SPATA31G1: variants seen among roughly 807,000 people sequenced by gnomAD.
The protein encoded by SPATA31G1 is SPATA31 subfamily G member 1.
chr9:35,043,298 T>C, the SPATA31G1 span: 2 of 1,614,222 alleles, frequency 1.2e-6, no homozygotes, highest in African/African-American at 1.3e-5. Flanking sequence ...TGAAGTGGTC[T>C]GTTTGTTCTT....
the SPATA31G1 span, chr9:35,045,150 C>G: frequency 4.3e-5 from 70 of 1,614,044 alleles, no homozygotes; most frequent in East Asian, 1.3e-4. Flanking sequence ...TCCATGCCCC[C>G]ACTCTTCAAG....
At chr9:35,042,879 C>T in the SPATA31G1 span, 356 of 1,614,002 alleles carry the variant, frequency 2.2e-4, 2 homozygotes, top group Middle Eastern at 1.7e-4. Flanking sequence ...ACTTCTGCAC[C>T]GTGTGGCCTT....
the SPATA31G1 span, chr9:35,041,357 A>AT: frequency 4.5e-6 from 1 of 220,916 alleles, no homozygotes; most frequent in South Asian, 4.9e-5. Context: ...AGATGTTACT[A>AT]TTTATTCCTA....
chr9:35,043,773 G>A, the SPATA31G1 span: 38 of 1,614,044 alleles, frequency 2.4e-5, no homozygotes, highest in African/African-American at 5.1e-4. Flanking sequence ...TCAGGCCTCT[G>A]AGTCTTCAAT....
chr9:35,045,510 G>A, the SPATA31G1 span: 7 of 1,614,132 alleles, frequency 4.3e-6, no homozygotes, highest in Non-Finnish European at 5.1e-6. Context: ...AAGAGGGACT[G>A]CAAGGTTGGG....
At chr9:35,043,941 T>G in the SPATA31G1 span, 1 of 1,613,768 alleles carries the variant, frequency 6.2e-7, no homozygotes, top group Non-Finnish European at 8.5e-7. Context: ...CCCAGAGCTC[T>G]CTGGAACCAG....
At chr9:35,044,229 G>C in the SPATA31G1 span, 2 of 1,614,176 alleles carry the variant, frequency 1.2e-6, no homozygotes, top group Non-Finnish European at 1.7e-6. Context: ...CAATCCTGGG[G>C]AATGCCTCGC....
the SPATA31G1 span, chr9:35,042,000 A>G: frequency 6.6e-6 from 3 of 454,290 alleles, no homozygotes; most frequent in Non-Finnish European, 7.7e-6. Flanking sequence ...CAGAGCTATG[A>G]TTTGAATAAG....
At chr9:35,045,615 G>A in the SPATA31G1 span, 2 of 1,614,164 alleles carry the variant, frequency 1.2e-6, no homozygotes, top group South Asian at 1.1e-5. Context: ...TCAACACAGG[G>A]GCCAGAGCTC....
At chr9:35,044,257 G>A in the SPATA31G1 span, 1 of 1,614,164 alleles carries the variant, frequency 6.2e-7, no homozygotes, top group Non-Finnish European at 8.5e-7. Context: ...GAAGCTACAT[G>A]GAAGGATACT....
the SPATA31G1 span, chr9:35,045,708 GA>G: frequency 6.2e-7 from 1 of 1,614,218 alleles, no homozygotes; most frequent in Non-Finnish European, 8.5e-7. Context: ...AAGAGCAAGT[GA>G]CATCCTGACC....
the SPATA31G1 span, chr9:35,043,479 C>T: frequency 1.2e-6 from 2 of 1,614,190 alleles, no homozygotes; most frequent in Non-Finnish European, 1.7e-6. Flanking sequence ...TGTCTCATCA[C>T]TACTCCTCCA....
At chr9:35,043,832 G>T in the SPATA31G1 span, 9 of 1,614,066 alleles carry the variant, frequency 5.6e-6, no homozygotes, top group African/African-American at 5.3e-5. Flanking sequence ...TCCAGAGAGA[G>T]AGTTCCCTGG....
chr9:35,043,908 G>T, the SPATA31G1 span: 1 of 1,614,026 alleles, frequency 6.2e-7, no homozygotes, highest in Non-Finnish European at 8.5e-7. Context: ...CTGGGCTTTT[G>T]AGTCTCCAGT....
chr9:35,043,189 G>T, the SPATA31G1 span: 1 of 1,614,170 alleles, frequency 6.2e-7, no homozygotes, highest in Non-Finnish European at 8.5e-7. Flanking sequence ...TCAGGGAACC[G>T]CCAGCAGCAG....
At chr9:35,044,776 A>C in the SPATA31G1 span, 3 of 1,614,044 alleles carry the variant, frequency 1.9e-6, no homozygotes, top group Non-Finnish European at 2.5e-6. Context: ...GAAGTTCCCC[A>C]AGGCCCCAGC....
the SPATA31G1 span, chr9:35,044,124 G>C: frequency 6.2e-7 from 1 of 1,614,148 alleles, no homozygotes; most frequent in Non-Finnish European, 8.5e-7. Context: ...AGCTTTGTGG[G>C]AGACCATGGG....
the SPATA31G1 span, chr9:35,042,581 C>A: frequency 1.3e-6 from 2 of 1,566,190 alleles, no homozygotes; most frequent in Admixed American, 3.6e-5. Context: ...TGACTATAAG[C>A]CCTAGATGTG....
chr9:35,043,975 C>T, the SPATA31G1 span: 1 of 1,613,246 alleles, frequency 6.2e-7, no homozygotes. Context: ...CCACCAGCAT[C>T]TGAGACACCA....
Sources: gnomAD v4.1 joint callset for allele counts on GRCh38, gnomAD v4.1.1 for gene constraint, MANE v1.5 for transcripts, NCBI Gene and HGNC (gene_info 2026-07-23, HGNC 2026-07-21) for gene names.